Variants in RERG observed in about 807,000 individuals in gnomAD.
RERG encodes ras-related and estrogen-regulated growth inhibitor.
RERG carries 25 observed loss-of-function variants against 23.2 expected under a neutral mutation model. The observed-to-expected ratio is 1.08, with a 90% CI of 0.79 to 1.50. RERG has a LOEUF of 1.50. Among genes scored for constraint, RERG ranks in the 40% most tolerant of loss-of-function variants. The pLI is 0.00. For synonymous variants in RERG, 81 were observed against 89.1 expected (o/e 0.91, Z 0.51); for missense variants, 253 against 250.1 (o/e 1.01, Z -0.08).
chr12:15,166,679 G>A (rs1864698144), intron 2 of RERG, among the ~76,000 whole-genome samples: 1 of 152,056 alleles, frequency 6.6e-6, no homozygotes. Context: ...AAGATATGGT[G>A]CTTTGAAAGT....
intron 2 of RERG, among the ~76,000 whole-genome samples, chr12:15,175,388 T>TGTGTGTGTGTGTG (rs1591658566): frequency 1.8e-4 from 23 of 124,436 alleles, no homozygotes; most frequent in East Asian, 1.2e-3. Flanking sequence ...TGTGTGTGTG[T>TGTGTGTGTGTGTG]TGGGGCATGC....
chr12:15,143,950 T>C (rs1209804081), intron 2 of RERG, among the ~76,000 whole-genome samples: 1 of 152,032 alleles, frequency 6.6e-6, no homozygotes. Context: ...AGGGCAAGTG[T>C]AGAGGTTCTG....
intron 3 of RERG, chr12:15,114,801 G>A (rs752829203): frequency 6.6e-6 from 1 of 152,186 alleles, no homozygotes; most frequent in Non-Finnish European, 1.5e-5. Context: ...GGCTCACCTA[G>A]GAACTTGTTA....
chr12:15,167,900 C>T (rs1007007897), intron 2 of RERG, among the ~76,000 whole-genome samples: 2 of 152,122 alleles, frequency 1.3e-5, no homozygotes, highest in African/African-American at 4.8e-5. Context: ...GTTGGTGACA[C>T]AGTTACAAAT....
Position 15,125,177 on chromosome 12 carries a change from T to A in RERG, c.62-4058A>T, listed in dbSNP as rs141047478. Among the ~76,000 whole-genome samples the A allele has an allele frequency of 6.7e-4, 102 of 152,080 alleles. 2 individuals are homozygous for A. Among genetic ancestry groups the A allele is most frequent in the African/African-American group, 2.2e-3 (93 of 41,554 alleles). ...CAAAAGTTTGCCAACTTTGGGACAA[T>A]TCTGTCACAAACGGTTTCAAATATT... On this transcript the variant is annotated intron_variant, in intron 2 of 4. Coordinates refer to ENST00000256953, the MANE Select transcript of RERG (RefSeq NM_032918.3).
intron 2 of RERG, among the ~76,000 whole-genome samples, chr12:15,165,338 A>G (rs1204934579): frequency 1.3e-5 from 2 of 151,670 alleles, no homozygotes; most frequent in South Asian, 2.1e-4. Flanking sequence ...ACTTCTGCCA[A>G]GACTTTTTTT....
intron 2 of RERG, among the ~76,000 whole-genome samples, chr12:15,179,892 G>T (rs1398128447): frequency 6.6e-6 from 1 of 152,186 alleles, no homozygotes; most frequent in East Asian, 1.9e-4. Context: ...TTTCCATGAA[G>T]CACATGTTAC....
chr12:15,211,038 G>C (rs1865358991), intron 2 of RERG, among the ~76,000 whole-genome samples: 1 of 152,014 alleles, frequency 6.6e-6, no homozygotes, highest in Non-Finnish European at 1.5e-5. Context: ...AAACCAACTA[G>C]GAAAAGCTTC....
intron 2 of RERG, among the ~76,000 whole-genome samples, chr12:15,205,630 G>A (rs1163203479): frequency 6.6e-6 from 1 of 151,304 alleles, no homozygotes; most frequent in Non-Finnish European, 1.5e-5. Flanking sequence ...GGTTCTTAGT[G>A]CAAAAATAAC....
chr12:15,219,196 A>C (rs1418331438), intron 1 of RERG, among the ~76,000 whole-genome samples: 1 of 152,218 alleles, frequency 6.6e-6, no homozygotes, highest in African/African-American at 2.4e-5. Flanking sequence ...AAATGTGTTA[A>C]ATGTTCCTGC....
chr12:15,144,703 A>G (rs1206442393), intron 2 of RERG, among the ~76,000 whole-genome samples: 1 of 152,196 alleles, frequency 6.6e-6, no homozygotes, highest in Non-Finnish European at 1.5e-5. Flanking sequence ...GCAGAGAGTC[A>G]ATCTAGGCTT....
At chr12:15,201,372 C>T (rs972510837) in intron 2 of RERG, among the ~76,000 whole-genome samples, 17 of 151,766 alleles carry the variant, frequency 1.1e-4, no homozygotes, top group South Asian at 4.1e-4. Context: ...CCCATCACTG[C>T]CTGTAAGATC....
At chr12:15,137,041 T>G (rs956478985) in intron 2 of RERG, among the ~76,000 whole-genome samples, 2 of 151,930 alleles carry the variant, frequency 1.3e-5, no homozygotes, top group Non-Finnish European at 2.9e-5. Context: ...TATTTCTCCT[T>G]AAAGTTCCAT....
intron 2 of RERG, 98 bp from the exon 3 acceptor site, chr12:15,121,217 A>AT (rs1863826042): frequency 2.5e-6 from 2 of 806,506 alleles, no homozygotes; most frequent in Non-Finnish European, 4.0e-6. Flanking sequence ...ACAACCCTAT[A>AT]AATGCTTTAT....
intron 1 of RERG, among the ~76,000 whole-genome samples, chr12:15,219,345 T>C (rs182856547): frequency 1.0e-3 from 157 of 152,354 alleles, no homozygotes; most frequent in African/African-American, 3.6e-3. Context: ...GCTATCATCC[T>C]GTACCTAATA....
At chr12:15,213,996 A>ATGTGTG (rs59427690) in intron 2 of RERG, among the ~76,000 whole-genome samples, 66 of 131,012 alleles carry the variant, frequency 5.0e-4, no homozygotes, top group Middle Eastern at 3.9e-3. Flanking sequence ...CAGAGAAAGT[A>ATGTGTG]TGTGTGTGTG....
chr12:15,161,228 A>AAG (rs1864610626), intron 2 of RERG, among the ~76,000 whole-genome samples: 1 of 122,832 alleles, frequency 8.1e-6, no homozygotes, highest in African/African-American at 2.7e-5. Context: ...GAAAGAAAGA[A>AAG]ACAGGGGCAT....
At chr12:15,164,947 T>A (rs1047148684) in intron 2 of RERG, among the ~76,000 whole-genome samples, 3 of 152,222 alleles carry the variant, frequency 2.0e-5, no homozygotes, top group African/African-American at 4.8e-5. Context: ...GAAATTTTAA[T>A]GTAAGAGCAA....
At chr12:15,120,730 G>C (rs532661472) in intron 3 of RERG, among the ~76,000 whole-genome samples, 2 of 151,756 alleles carry the variant, frequency 1.3e-5, no homozygotes, top group East Asian at 3.9e-4. Flanking sequence ...ATTCTATTAC[G>C]CACCAAATTT....
Sources: allele counts gnomAD v4.1 joint callset (sites outside exome capture counted in the v4.1 genomes callset), GRCh38; gene constraint gnomAD v4.1.1; transcripts MANE v1.5; gene names NCBI Gene and HGNC (gene_info 2026-07-23, HGNC 2026-07-21).